NEB: variants seen among roughly 807,000 people sequenced by gnomAD.
NEB encodes nebulin, also known as nemaline myopathy type 2.
In NEB, 512 loss-of-function variants were observed where a neutral mutation model predicts 952.2. The observed-to-expected ratio is 0.54, with a 90% CI of 0.50 to 0.58. The LOEUF is 0.58. Among genes scored for constraint, NEB ranks in the 20% least tolerant of loss-of-function variants. The pLI, the probability that NEB is intolerant of heterozygous loss-of-function variation, is 0.00. For synonymous variants in NEB, 2,900 were observed against 3,149.8 expected (o/e 0.92, Z 2.66); for missense variants, 8,428 against 9,231.1 (o/e 0.91, Z 3.56).
intron 12 of NEB, among the ~76,000 whole-genome samples, chr2:151,707,802 C>T (rs1028536097): frequency 6.6e-6 from 1 of 152,116 alleles, no homozygotes; most frequent in African/African-American, 2.4e-5. Flanking sequence ...ACTCAGAAAA[C>T]AAGGCAATCA....
At chr2:151,678,290 T>C (rs1433540266) in intron 32 of NEB, 103 bp from the exon 33 acceptor site, 13 of 664,872 alleles carry the variant, frequency 2.0e-5, no homozygotes, top group Non-Finnish European at 7.6e-6. Flanking sequence ...AAAATTACTG[T>C]ACTTCAATAA....
At chr2:151,649,195 A>G (rs1575092666) in intron 54 of NEB, among the ~76,000 whole-genome samples, 1 of 152,190 alleles carries the variant, frequency 6.6e-6, no homozygotes, top group Admixed American at 6.5e-5. Flanking sequence ...TAGTAAAAGA[A>G]TAAGTAAATG....
chr2:151,558,829 C>T (rs1019581230), intron 124 of NEB, among the ~76,000 whole-genome samples: 3 of 152,108 alleles, frequency 2.0e-5, no homozygotes, highest in Admixed American at 1.3e-4. Flanking sequence ...ACACATAAGA[C>T]CTAAAACCAT....
intron 169 of NEB, among the ~76,000 whole-genome samples, chr2:151,499,097 C>CT (rs927526327): frequency 5.9e-5 from 9 of 152,072 alleles, no homozygotes; most frequent in East Asian, 3.9e-4. Flanking sequence ...ATACTGAACA[C>CT]TTTTTTTATT....
chr2:151,514,364 G>GT lies in NEB; in HGVS notation c.23080dup (p.Thr7694AsnfsTer3), dbSNP rs779124984. The GT allele has an allele frequency of 6.2e-7, 1 of 1,613,770 alleles. No homozygotes were observed. The highest frequency in any genetic ancestry group is 1.1e-5 in the South Asian group (1 of 91,082). On this transcript the variant is annotated frameshift_variant, in exon 159 of 182. Transcript: ENST00000397345. LOFTEE classifies it high-confidence loss of function. ...ATTCTTTGCTCTTAGCATGTCAGGT[G>GT]TATCTTCCATTTCAGTGAGGCCCTT...
At chr2:151,670,654 T>C (rs2099274954) in intron 38 of NEB, among the ~76,000 whole-genome samples, 1 of 152,236 alleles carries the variant, frequency 6.6e-6, no homozygotes, top group South Asian at 2.1e-4. Context: ...CTCTTCCCTA[T>C]GTGGCTAGGT....
intron 134 of NEB, 105 bp downstream of exon 134, chr2:151,546,240 A>G: frequency 1.1e-6 from 1 of 907,808 alleles, no homozygotes; most frequent in Non-Finnish European, 1.7e-6. Context: ...TTTCCCCTTA[A>G]AAGTAGCTGC....
rs977953247 is a variant in NEB at position 151,612,486 on chromosome 2, T to C, written c.11602-97A>G. On this transcript the variant is annotated intron_variant, in intron 77 of 181. Coordinates refer to ENST00000397345, the MANE Select transcript of NEB (RefSeq NM_001164508.2). ...TACACAGATAATGTGTTAGTCTGAA[T>C]CTTATTTGTGTAAATTTCTGGGAAG... is the stretch of plus-strand genomic sequence containing the variant. 2.5e-6 allele frequency: 3 copies of C among 1,191,184 alleles called. No homozygotes were observed. The African/African-American group carries it at 4.6e-5, about 18-fold the overall frequency. 73.8% of individuals were successfully genotyped at this position (1,191,184 alleles called of 1,614,324 possible).
At position 151,612,381 on chromosome 2, in the gene NEB, G is replaced by T. The variant is rs2098013896; in HGVS notation, c.11610C>A (p.Tyr3870Ter). ...KAYDLQSDAI[Y>*]KSDLEWLRGI... ...CTCTCAGCCACTCAAGATCAGATTT[G>T]TAAATAGCCTGAAAATGAAATAATG... Residue 3870 changes from tyrosine (Y) to a stop codon, truncating the protein, a stop_gained, in exon 78 of 182, where the codon TAC (tyrosine) becomes TAA (stop). Coordinates refer to ENST00000397345, the MANE Select transcript of NEB (RefSeq NM_001164508.2). LOFTEE classifies it high-confidence loss of function. 6 of 1,613,410 alleles carry T rather than the reference G, an allele frequency of 3.7e-6. No individual in the cohort carries two copies. The highest frequency in any genetic ancestry group is 5.1e-6 in the Non-Finnish European group (6 of 1,179,512).
intron 57 of NEB, among the ~76,000 whole-genome samples, 195 bp downstream of exon 57, chr2:151,643,623 C>T (rs1454598891): frequency 1.3e-5 from 2 of 152,176 alleles, no homozygotes; most frequent in Non-Finnish European, 2.9e-5. Context: ...AATCTAGAGG[C>T]TTCCACCAAA....
In NEB at chr2:151,734,451, C is replaced by A. The variant is rs886054948; in HGVS notation, c.-167G>T. The A allele has an allele frequency of 1.3e-5, 2 of 152,202 alleles. No homozygotes were observed. The highest frequency in any genetic ancestry group is 2.9e-5 in the Non-Finnish European group (2 of 68,028). The allele number at this position is 152,202 out of a possible 1,614,324, so 9.4% of individuals were successfully genotyped here. A position where few individuals can be genotyped will look rare whatever the true frequency, so the allele number is the denominator to read the frequency against. The stretch of plus-strand genomic sequence containing the variant: ...CAGCAAAGCCTCTCCCAACTCTCCC[C>A]TCCTGAGAACCCCAGGCAAAAGCCA... On this transcript the variant is annotated 5_prime_UTR_variant, in exon 1 of 182. It adds an upstream start codon to the 5' untranslated region. Coordinates refer to ENST00000397345, the MANE Select transcript of NEB (RefSeq NM_001164508.2).
At chr2:151,538,020 T>A in intron 139 of NEB, 44 bp from the exon 140 acceptor site, 1 of 1,558,148 alleles carries the variant, frequency 6.4e-7, no homozygotes. Context: ...TTACCCAAAG[T>A]TAATGTAAAT....
chr2:151,497,825 A>G (rs1378698082), intron 170 of NEB, 107 bp from the exon 171 acceptor site: 1 of 1,528,178 alleles, frequency 6.5e-7, no homozygotes. Flanking sequence ...GCCAGAAGTT[A>G]TATGCTGACA....
chr2:151,642,597 C>A lies in NEB; in HGVS notation c.8350G>T (p.Ala2784Ser), dbSNP rs142326967. The A allele has an allele frequency of 6.2e-7, 1 of 1,613,350 alleles. No individual in the cohort carries two copies. The highest frequency in any genetic ancestry group is 8.5e-7 in the Non-Finnish European group (1 of 1,179,546). Residue 2784 changes from alanine (A) to serine (S), a missense_variant, in exon 60 of 182, where the codon GCC becomes TCC. Transcript: ENST00000397345. ...VDAIPIKAAKASRDIASEFKY... is the reference protein window; with the variant it reads ...VDAIPIKAAKSSRDIASEFKY... ...ACTTCACTTGCAATATCTCTGGAGG[C>A]CTTGGCTGCCTTGATAGGAATGGCA... is the stretch of plus-strand genomic sequence containing the variant.
At position 151,502,823 on chromosome 2, in the gene NEB, T is replaced by A; in HGVS notation, c.23898A>T (p.Arg7966Ser). ...TAAAGTTCTCTTGATTGCGTTTGACTCTCTCCATCTCTGGAGTGATAGGTG... is the reference window on the plus strand; with the variant it reads ...TAAAGTTCTCTTGATTGCGTTTGACACTCTCCATCTCTGGAGTGATAGGTG... ...IPTPITPEME[R>S]VKRNQENFSS... is the part of the protein sequence containing the mutation. Residue 7966 changes from arginine (R) to serine (S), a missense_variant, in exon 167 of 182, where the codon AGA becomes AGT. Physicochemically the swap from Arg to Ser is moderately radical, Grantham distance 110. Transcript: ENST00000397345. 6.2e-7 allele frequency: 1 copy of A among 1,608,692 alleles called. No homozygotes were observed. The highest frequency in any genetic ancestry group is 8.5e-7 in the Non-Finnish European group (1 of 1,177,070).
intron 20 of NEB, 176 bp from the exon 21 acceptor site, chr2:151,692,538 T>C: frequency 1.5e-6 from 1 of 654,470 alleles, no homozygotes. Context: ...ATGCCTTATA[T>C]AATCTCATCT....
At chr2:151,724,772 G>A in intron 7 of NEB, 85 bp downstream of exon 7, 2 of 1,107,592 alleles carry the variant, frequency 1.8e-6, no homozygotes, top group Middle Eastern at 2.0e-4. Context: ...GGCAGGATCA[G>A]GCCTGTCCAA....
At position 151,498,260 on chromosome 2, in the gene NEB, C is replaced by G. The variant is rs763193315; in HGVS notation, c.24207G>C (p.Ser8069=). 3 of 1,550,934 alleles carry G rather than the reference C, an allele frequency of 1.9e-6. No homozygotes were observed. The highest frequency in any genetic ancestry group is 1.4e-5 in the African/African-American group (1 of 72,932). The stretch of plus-strand genomic sequence containing the variant: ...TTTTTCCCCTTTCTTTCCAAAATAC[C>G]GAGCTAAGGTTTTCTTGATTGTGTT... ...RVKHNQENLS[S]VLYKENMGKG... Residue 8069 remains serine, a splice_region_variant and synonymous_variant, in exon 170 of 182, where the codon TCG becomes TCC. Transcript: ENST00000397345.
At chr2:151,560,754 C>T (rs886590873) in intron 123 of NEB, 55 bp from the exon 124 acceptor site, 4 of 1,363,826 alleles carry the variant, frequency 2.9e-6, no homozygotes, top group Middle Eastern at 1.8e-4. Context: ...TGGTTAGCTT[C>T]TGAGTAGCAG....
Sources: gnomAD v4.1 joint callset for allele counts (sites outside exome capture counted in the v4.1 genomes callset) on GRCh38, gnomAD v4.1.1 for gene constraint, MANE v1.5 for transcripts, NCBI Gene and HGNC (gene_info 2026-07-23, HGNC 2026-07-21) for gene names.